Variants in DCC observed in about 807,000 individuals in gnomAD.
DCC encodes DCC netrin 1 receptor.
A neutral mutation model predicts 172.5 loss-of-function variants in DCC; 58 were observed. The ratio of observed to expected loss-of-function variants is 0.34; its 90% CI spans 0.27 to 0.42. The LOEUF (loss-of-function observed/expected upper bound fraction) is 0.42. Ranked by LOEUF, DCC falls within the 10% of genes least tolerant of loss-of-function variation. The probability of loss-of-function intolerance (pLI) is 1.00; values close to 1 mark genes in which losing one functional copy is unlikely to be tolerated. For missense variants in DCC, 1,740 were observed against 1,791.0 expected (o/e 0.97, Z 0.51); for synonymous variants, 709 against 644.5 (o/e 1.10, Z -1.52).
rs190405968 is a variant in DCC at position 53,284,482 on chromosome 18, C to T, written c.1912-21096C>T. ...TGCACAAGTTCTCTTCTCTTGTCTG[C>T]CACCATGTGAGACGTGCCTTTCACC... On this transcript the variant is annotated intron_variant, in intron 12 of 28. Transcript: ENST00000442544. Among the ~76,000 whole-genome samples the T allele has an allele frequency of 6.6e-5, 10 of 152,234 alleles. No individual in the cohort carries two copies. The East Asian group carries it at 1.7e-3, about 26-fold the overall frequency.
chr18:53,205,068 T>G (rs2055603149), intron 9 of DCC, 148 bp from the exon 10 acceptor site: 1 of 662,776 alleles, frequency 1.5e-6, no homozygotes, highest in African/African-American at 1.8e-5. Flanking sequence ...CCAGAGTTTA[T>G]ATTTTTATAT....
At chr18:53,501,397 CTCTTAGTTTATG>C (rs2046095552) in intron 27 of DCC, among the ~76,000 whole-genome samples, 1 of 152,112 alleles carries the variant, frequency 6.6e-6, no homozygotes, top group African/African-American at 2.4e-5. Flanking sequence ...TCATTTGTGC[CTCTTAGTTTATG>C]TCTAACTTGT....
At chr18:52,347,353 T>A (rs1983923477) in intron 1 of DCC, among the ~76,000 whole-genome samples, 1 of 152,198 alleles carries the variant, frequency 6.6e-6, no homozygotes, top group Non-Finnish European at 1.5e-5. Flanking sequence ...TTTAAAAGTA[T>A]GTAGAACATA....
In DCC at chr18:52,625,862, G is replaced by C. The variant is rs145910658; in HGVS notation, c.92-126192G>C. Among the ~76,000 whole-genome samples the C allele has an allele frequency of 2.7e-3, 418 of 152,230 alleles. 6 individuals carry two copies. Among genetic ancestry groups the C allele is most frequent in the African/African-American group, 9.3e-3 (387 of 41,550 alleles). ...TCATGTCCAAACATGTTTTAATGCA[G>C]GGGATTACATTCTTGTGGGAAATCT... On this transcript the variant is annotated intron_variant, in intron 1 of 28. Coordinates refer to ENST00000442544, the MANE Select transcript of DCC (RefSeq NM_005215.4).
At chr18:52,942,074 C>A (rs887305251) in intron 5 of DCC, among the ~76,000 whole-genome samples, 8 of 152,168 alleles carry the variant, frequency 5.3e-5, no homozygotes, top group African/African-American at 1.7e-4. Flanking sequence ...TGAGCCACTG[C>A]GCCTGGCCCA....
intron 1 of DCC, among the ~76,000 whole-genome samples, chr18:52,630,706 C>T (rs1331099936): frequency 4.0e-5 from 6 of 151,590 alleles, no homozygotes; most frequent in African/African-American, 1.5e-4. Context: ...TTAGTTAATT[C>T]TTATCATATC....
At chr18:52,402,361 A>T (rs147104402) in intron 1 of DCC, among the ~76,000 whole-genome samples, 1 of 151,922 alleles carries the variant, frequency 6.6e-6, no homozygotes, top group Non-Finnish European at 1.5e-5. Flanking sequence ...ATGTGTAGAC[A>T]TGGGCCTCTA....
chr18:52,512,826 A>G (rs1046245700), intron 1 of DCC, among the ~76,000 whole-genome samples: 3 of 152,222 alleles, frequency 2.0e-5, no homozygotes, highest in Non-Finnish European at 4.4e-5. Context: ...GATGGTCCAC[A>G]TCTCATTAGA....
At chr18:52,523,737 G>A (rs544813000) in intron 1 of DCC, among the ~76,000 whole-genome samples, 1 of 152,292 alleles carries the variant, frequency 6.6e-6, no homozygotes, top group South Asian at 2.1e-4. Flanking sequence ...ATATGTTCAT[G>A]CTAATTTATA....
intron 12 of DCC, among the ~76,000 whole-genome samples, chr18:53,260,338 C>T (rs2056579812): frequency 6.6e-6 from 1 of 152,114 alleles, no homozygotes; most frequent in South Asian, 2.1e-4. Flanking sequence ...GTGGTTTTAT[C>T]TACCTTTGGT....
chr18:52,792,367 C>T (rs1028324397), intron 2 of DCC, among the ~76,000 whole-genome samples: 6 of 152,110 alleles, frequency 3.9e-5, no homozygotes, highest in Admixed American at 6.5e-5. Context: ...TGGTCATGGA[C>T]GAGAAAGGAG....
chr18:52,638,703 A>G (rs958044753), intron 1 of DCC, among the ~76,000 whole-genome samples: 4 of 152,160 alleles, frequency 2.6e-5, no homozygotes, highest in African/African-American at 9.7e-5. Context: ...TGTTTTAGTA[A>G]TGAGATAGAC....
At chr18:53,166,355 A>G (rs1037863816) in intron 8 of DCC, among the ~76,000 whole-genome samples, 1 of 152,154 alleles carries the variant, frequency 6.6e-6, no homozygotes, top group African/African-American at 2.4e-5. Flanking sequence ...CCGTGGAAAT[A>G]GGAATCTGGA....
chr18:52,813,904 T>G (rs960154434), intron 2 of DCC, among the ~76,000 whole-genome samples: 1 of 152,194 alleles, frequency 6.6e-6, no homozygotes, highest in Non-Finnish European at 1.5e-5. Context: ...GCTTTCAAAT[T>G]GGAACTTTTA....
At chr18:52,908,109 T>C (rs1227804258) in intron 3 of DCC, among the ~76,000 whole-genome samples, 1 of 152,214 alleles carries the variant, frequency 6.6e-6, no homozygotes, top group Non-Finnish European at 1.5e-5. Flanking sequence ...AAAGTATGGA[T>C]GTTGGCTTCG....
At chr18:52,440,297 C>G (rs943192213) in intron 1 of DCC, among the ~76,000 whole-genome samples, 1 of 152,190 alleles carries the variant, frequency 6.6e-6, no homozygotes, top group East Asian at 1.9e-4. Context: ...TTCATGCTCA[C>G]GTGCTTCAGA....
chr18:53,427,388 T>A lies in DCC; in HGVS notation c.3164-7756T>A, dbSNP rs552832226. ...ATCTACCACCATACTACTGATATTA[T>A]GAAGCCATCTTTATGTTTTATTCTA... On this transcript the variant is annotated intron_variant, in intron 21 of 28. Transcript: ENST00000442544. Among the ~76,000 whole-genome samples, 7 of 152,278 alleles carry A rather than the reference T, an allele frequency of 4.6e-5. No individual in the cohort carries two copies. The South Asian group carries it at 1.2e-3, about 27-fold the overall frequency.
At chr18:53,057,812 C>A (rs180976839) in intron 5 of DCC, among the ~76,000 whole-genome samples, 1 of 151,960 alleles carries the variant, frequency 6.6e-6, no homozygotes, top group East Asian at 1.9e-4. Flanking sequence ...TGGGAGAAAG[C>A]GTAATGTGCA....
At chr18:52,887,626 T>G (rs975067191) in intron 2 of DCC, among the ~76,000 whole-genome samples, 3 of 152,200 alleles carry the variant, frequency 2.0e-5, no homozygotes, top group African/African-American at 7.2e-5. Context: ...AATGCTTTTA[T>G]AATACAATCC....
Sources: allele counts gnomAD v4.1 joint callset (sites outside exome capture counted in the v4.1 genomes callset), GRCh38; gene constraint gnomAD v4.1.1; transcripts MANE v1.5; gene names NCBI Gene and HGNC (gene_info 2026-07-23, HGNC 2026-07-21).